Variants in CPED1 observed in about 807,000 individuals in gnomAD.
The protein encoded by CPED1 is cadherin like and PC-esterase domain containing 1, also known as cadherin-like and PC-esterase domain-containing protein 1.
In CPED1, 114 loss-of-function variants were observed where a neutral mutation model predicts 128.2. The observed-to-expected ratio is 0.89, with a 90% CI of 0.76 to 1.04. The LOEUF is 1.04. Ranked by LOEUF, CPED1 falls within the 50% of genes least tolerant of loss-of-function variation. The pLI, the probability that CPED1 is intolerant of heterozygous loss-of-function variation, is 0.00. For synonymous variants in CPED1, 462 were observed against 426.7 expected (o/e 1.08, Z -1.02); for missense variants, 1,211 against 1,207.1 (o/e 1.00, Z -0.05).
intron 16 of CPED1, among the ~76,000 whole-genome samples, chr7:121,150,759 ATTATTATTAT>A (rs1563046605): frequency 9.4e-6 from 1 of 106,492 alleles, no homozygotes; most frequent in African/African-American, 4.6e-5. Flanking sequence ...AAACATTATT[ATTATTATTAT>A]TATTATTATT....
chr7:121,042,248 A>G (rs538523804), intron 3 of CPED1, among the ~76,000 whole-genome samples: 28 of 152,120 alleles, frequency 1.8e-4, no homozygotes, highest in Non-Finnish European at 3.7e-4. Flanking sequence ...TTTATATAGG[A>G]AGATTTAACT....
At chr7:121,217,963 G>T (rs1198650307) in intron 16 of CPED1, among the ~76,000 whole-genome samples, 1 of 149,670 alleles carries the variant, frequency 6.7e-6, no homozygotes, top group Non-Finnish European at 1.5e-5. Flanking sequence ...TTTGGTTGGT[G>T]CAAAATTAAT....
chr7:121,240,534 A>G (rs1798365944), intron 17 of CPED1, among the ~76,000 whole-genome samples: 1 of 152,154 alleles, frequency 6.6e-6, no homozygotes, highest in African/African-American at 2.4e-5. Flanking sequence ...AGCTTTTTAA[A>G]ATAAATTCAT....
intron 17 of CPED1, among the ~76,000 whole-genome samples, 164 bp from the exon 18 acceptor site, chr7:121,244,038 A>G (rs1798462132): frequency 1.3e-5 from 2 of 152,212 alleles, no homozygotes; most frequent in Non-Finnish European, 2.9e-5. Flanking sequence ...TTGCTATTCT[A>G]TTTGGTTGGC....
intron 16 of CPED1, among the ~76,000 whole-genome samples, chr7:121,220,566 G>A (rs1020862969): frequency 1.3e-5 from 2 of 151,936 alleles, no homozygotes. Context: ...ATAATTTATG[G>A]TAATTTGTCA....
At chr7:121,245,465 G>A (rs544018368) in intron 18 of CPED1, among the ~76,000 whole-genome samples, 1 of 152,226 alleles carries the variant, frequency 6.6e-6, no homozygotes, top group African/African-American at 2.4e-5. Flanking sequence ...CTTCAAAAGG[G>A]CAGGGAATGT....
intron 16 of CPED1, among the ~76,000 whole-genome samples, chr7:121,214,884 A>G (rs562080224): frequency 2.6e-5 from 4 of 152,040 alleles, no homozygotes; most frequent in Non-Finnish European, 4.4e-5. Context: ...TAATCTTTGA[A>G]AAATTATTCA....
intron 22 of CPED1, among the ~76,000 whole-genome samples, chr7:121,277,224 A>G (rs1246309795): frequency 6.6e-6 from 1 of 152,136 alleles, no homozygotes; most frequent in East Asian, 1.9e-4. Flanking sequence ...GAAACTGGCA[A>G]TTGAGACAAA....
At chr7:121,003,977 T>C (rs768119417) in intron 2 of CPED1, among the ~76,000 whole-genome samples, 1 of 152,206 alleles carries the variant, frequency 6.6e-6, no homozygotes, top group Admixed American at 6.5e-5. Context: ...GTGGTACCTC[T>C]TCCCCACATT....
rs7780249 is a variant in CPED1 at position 121,078,907 on chromosome 7, C to A, written c.616+14594C>A. Among the ~76,000 whole-genome samples the A allele has an allele frequency of 6.7e-3, 1,023 of 152,302 alleles. 13 individuals carry two copies. Among genetic ancestry groups the A allele is most frequent in the African/African-American group, 0.022 (925 of 41,558 alleles). The stretch of plus-strand genomic sequence containing the variant: ...TTCCACAGTTCTGGAGGCTGGAAGT[C>A]TAAGATAAGGTGTCAGCAGAGCTGC... On this transcript the variant is annotated intron_variant, in intron 5 of 22. Coordinates refer to ENST00000310396, the MANE Select transcript of CPED1 (RefSeq NM_024913.5).
At chr7:121,093,513 G>C (rs1473140185) in intron 5 of CPED1, among the ~76,000 whole-genome samples, 1 of 151,940 alleles carries the variant, frequency 6.6e-6, no homozygotes, top group East Asian at 1.9e-4. Context: ...TGTAGAGTTT[G>C]TGCTGAATAT....
chr7:121,246,527 AAG>A (rs970221875), intron 18 of CPED1, among the ~76,000 whole-genome samples: 13 of 152,152 alleles, frequency 8.5e-5, no homozygotes, highest in Admixed American at 2.6e-4. Flanking sequence ...AAGAGAGAGA[AAG>A]AGTTTTAGTC....
At position 120,995,912 on chromosome 7, in the gene CPED1, TCTCCTTCTCCTC is replaced by T. The variant is rs1240569207; in HGVS notation, c.249+6063_249+6074del. ...TTCTTCTTCTTCCTCTTCTTCTTCT[TCTCCTTCTCCTC>T]CTCCTTCTCCTCCTCCTTCTTCTCC... is the stretch of plus-strand genomic sequence containing the variant. On this transcript the variant is annotated intron_variant, in intron 2 of 22. Coordinates refer to ENST00000310396, the MANE Select transcript of CPED1 (RefSeq NM_024913.5). Among the ~76,000 whole-genome samples the T allele has an allele frequency of 1.1e-4, 10 of 92,036 alleles. No homozygotes were observed. The East Asian group carries it at 1.2e-3, about 11-fold the overall frequency. The allele number at this position is 92,036 out of a possible 152,430, so 60.4% of individuals were successfully genotyped here.
chr7:121,011,808 T>C (rs10277359), intron 2 of CPED1, among the ~76,000 whole-genome samples: 1,714 of 152,322 alleles, frequency 0.011, 26 homozygotes, highest in African/African-American at 0.039. Flanking sequence ...TATGGAATCA[T>C]ACACATTATT....
At chr7:121,023,669 G>A (rs1792498171) in intron 3 of CPED1, among the ~76,000 whole-genome samples, 1 of 152,136 alleles carries the variant, frequency 6.6e-6, no homozygotes, top group Non-Finnish European at 1.5e-5. Flanking sequence ...AAACACCAGT[G>A]TGGAGCAAAT....
Position 120,989,422 on chromosome 7 carries a change from A to G in CPED1, c.-200A>G. On this transcript the variant is annotated 5_prime_UTR_variant, in exon 2 of 23. Transcript: ENST00000310396. ...CACTTTTGACTGTCATCCATGGAAG[A>G]GCTCTTATTAAAAGCCTCAGACTTT... The G allele has an allele frequency of 1.7e-6, 1 of 593,506 alleles. No homozygotes were observed. The highest frequency in any genetic ancestry group is 3.0e-6 in the Non-Finnish European group (1 of 338,846). 36.8% of individuals were successfully genotyped at this position (593,506 alleles called of 1,614,324 possible).
Position 121,244,275 on chromosome 7 carries a change from C to A in CPED1, c.2247C>A (p.Pro749=). 2 of 1,613,938 alleles carry A rather than the reference C, an allele frequency of 1.2e-6. No homozygotes were observed. Among genetic ancestry groups the A allele is most frequent in the African/African-American group, 2.7e-5 (2 of 75,012 alleles). ...ACTGGAGAGAAATAACCTGGCAGCC[C>A]CACAACTGCCAATATGGTGTCCTAA... ...TCDWREITWQ[P]HNCQYGVLTK... The change falls in exon 18 of 23, where the codon CCC becomes CCA. Residue 749 remains proline, a synonymous_variant. Coordinates refer to ENST00000310396, the MANE Select transcript of CPED1 (RefSeq NM_024913.5).
intron 16 of CPED1, among the ~76,000 whole-genome samples, chr7:121,151,380 A>G (rs562615965): frequency 6.6e-6 from 1 of 152,182 alleles, no homozygotes; most frequent in Non-Finnish European, 1.5e-5. Flanking sequence ...TCTGTCATAA[A>G]ATATACATGA....
intron 3 of CPED1, among the ~76,000 whole-genome samples, chr7:121,021,595 G>A (rs1375029689): frequency 6.6e-6 from 1 of 151,916 alleles, no homozygotes; most frequent in East Asian, 1.9e-4. Flanking sequence ...ACTTTCTTGG[G>A]GAGGTAGTAG....
Sources: gnomAD v4.1 joint callset for allele counts (sites outside exome capture counted in the v4.1 genomes callset) on GRCh38, gnomAD v4.1.1 for gene constraint, MANE v1.5 for transcripts, NCBI Gene and HGNC (gene_info 2026-07-23, HGNC 2026-07-21) for gene names.